LRMDA: variants seen among roughly 807,000 people sequenced by gnomAD.
LRMDA encodes leucine rich melanocyte differentiation associated, also known as leucine-rich melanocyte differentiation-associated protein.
A neutral mutation model predicts 29.8 loss-of-function variants in LRMDA; 18 were observed. The ratio of observed to expected loss-of-function variants is 0.60; its 90% CI spans 0.42 to 0.90. The LOEUF (loss-of-function observed/expected upper bound fraction) is 0.90, where lower values mean the gene tolerates loss of function less well. LRMDA is among the 40% of genes least tolerant of loss of function. The pLI, the probability that LRMDA is intolerant of heterozygous loss-of-function variation, is 0.00. For missense variants in LRMDA, 273 were observed against 273.9 expected (o/e 1.00, Z 0.02); for synonymous variants, 125 against 109.4 (o/e 1.14, Z -0.89).
chr10:75,998,883 T>C (rs984977543), intron 2 of LRMDA, among the ~76,000 whole-genome samples: 1 of 152,228 alleles, frequency 6.6e-6, no homozygotes, highest in Admixed American at 6.5e-5. Flanking sequence ...GGACCTTGGC[T>C]GTTCCCTCCC....
intron 2 of LRMDA, among the ~76,000 whole-genome samples, chr10:75,729,832 A>G (rs559056245): frequency 6.6e-6 from 1 of 152,186 alleles, no homozygotes; most frequent in Non-Finnish European, 1.5e-5. Flanking sequence ...AGTCTCACTT[A>G]GTCACTCAAG....
At chr10:76,174,487 A>T (rs1462137522) in intron 5 of LRMDA, among the ~76,000 whole-genome samples, 5 of 152,306 alleles carry the variant, frequency 3.3e-5, no homozygotes, top group African/African-American at 1.2e-4. Context: ...TAACATTCTA[A>T]ATGTAAATAG....
At chr10:75,496,234 T>C (rs536615143) in intron 2 of LRMDA, among the ~76,000 whole-genome samples, 1 of 152,316 alleles carries the variant, frequency 6.6e-6, no homozygotes, top group African/African-American at 2.4e-5. Flanking sequence ...GATTGGACTT[T>C]GGAGGTCTAG....
At chr10:75,973,945 G>T (rs186277473) in intron 2 of LRMDA, among the ~76,000 whole-genome samples, 1 of 152,224 alleles carries the variant, frequency 6.6e-6, no homozygotes, top group Non-Finnish European at 1.5e-5. Flanking sequence ...GCTTGATATA[G>T]GTCTTTTGTG....
At chr10:75,603,638 A>G (rs1840916671) in intron 2 of LRMDA, among the ~76,000 whole-genome samples, 1 of 152,138 alleles carries the variant, frequency 6.6e-6, no homozygotes, top group Non-Finnish European at 1.5e-5. Context: ...AAAAATACAC[A>G]TTAACATAAC....
At chr10:75,911,529 A>G (rs576439787) in intron 2 of LRMDA, among the ~76,000 whole-genome samples, 2 of 152,192 alleles carry the variant, frequency 1.3e-5, no homozygotes, top group African/African-American at 4.8e-5. Flanking sequence ...TTAACTCTTT[A>G]CATCTTTGTT....
intron 5 of LRMDA, among the ~76,000 whole-genome samples, chr10:76,150,931 T>A (rs1450693295): frequency 6.6e-6 from 1 of 151,900 alleles, no homozygotes; most frequent in African/African-American, 2.4e-5. Flanking sequence ...GCAACTGGGG[T>A]GGCTTTATTT....
chr10:75,910,187 A>C (rs533080541), intron 2 of LRMDA, among the ~76,000 whole-genome samples: 4 of 152,252 alleles, frequency 2.6e-5, no homozygotes, highest in Non-Finnish European at 5.9e-5. Context: ...TAATTTCGCC[A>C]CTTTATGTCT....
chr10:76,230,450 A>G lies in LRMDA; in HGVS notation c.517-93951A>G, dbSNP rs188368694. On this transcript the variant is annotated intron_variant, in intron 5 of 6. Transcript: ENST00000611255. ...AAAATGAGTAAACACTATTAATTAG[A>G]TGAGATATTTATCCTTGGCTTAAAT... Among the ~76,000 whole-genome samples the G allele has an allele frequency of 2.4e-4, 36 of 152,142 alleles. No homozygotes were observed. In the East Asian group the frequency reaches 6.4e-3, roughly 27 times the overall value.
At chr10:75,882,170 C>T (rs546343795) in intron 2 of LRMDA, among the ~76,000 whole-genome samples, 6 of 152,198 alleles carry the variant, frequency 3.9e-5, no homozygotes, top group Admixed American at 2.0e-4. Context: ...TGAAGGAAGA[C>T]GGGCAAAACT....
intron 2 of LRMDA, among the ~76,000 whole-genome samples, chr10:75,716,745 A>T (rs1316274373): frequency 6.6e-6 from 1 of 152,152 alleles, no homozygotes; most frequent in Non-Finnish European, 1.5e-5. Context: ...ATCTTCATAA[A>T]TGGTAATTTC....
At chr10:75,564,570 A>G (rs931199663) in intron 2 of LRMDA, among the ~76,000 whole-genome samples, 1 of 152,200 alleles carries the variant, frequency 6.6e-6, no homozygotes, top group Non-Finnish European at 1.5e-5. Flanking sequence ...GGCACTCCCT[A>G]GTGAGATGAA....
At chr10:75,705,801 C>G (rs929233607) in intron 2 of LRMDA, among the ~76,000 whole-genome samples, 1 of 152,200 alleles carries the variant, frequency 6.6e-6, no homozygotes, top group Non-Finnish European at 1.5e-5. Context: ...CAGTGGGAGC[C>G]TGGGAAACCC....
chr10:75,871,255 A>G (rs1358114969), intron 2 of LRMDA, among the ~76,000 whole-genome samples: 2 of 152,088 alleles, frequency 1.3e-5, no homozygotes, highest in Non-Finnish European at 2.9e-5. Context: ...GCATGGGCTT[A>G]GTTTCCTGCT....
At chr10:76,351,847 A>G (rs941075060) in intron 6 of LRMDA, among the ~76,000 whole-genome samples, 1 of 152,130 alleles carries the variant, frequency 6.6e-6, no homozygotes, top group Non-Finnish European at 1.5e-5. Flanking sequence ...CCTGTATAGG[A>G]GCAGGCGCTA....
chr10:76,341,258 A>G (rs1167594095), intron 6 of LRMDA, among the ~76,000 whole-genome samples: 1 of 152,228 alleles, frequency 6.6e-6, no homozygotes, highest in Non-Finnish European at 1.5e-5. Context: ...GAATAGCTAT[A>G]TAGCAAAATA....
At chr10:76,057,292 G>A (rs1564641284) in intron 4 of LRMDA, among the ~76,000 whole-genome samples, 1 of 152,166 alleles carries the variant, frequency 6.6e-6, no homozygotes, top group Non-Finnish European at 1.5e-5. Context: ...CTGTTACACT[G>A]AGAACACCTT....
At chr10:75,916,300 G>A (rs1363174811) in intron 2 of LRMDA, among the ~76,000 whole-genome samples, 2 of 152,102 alleles carry the variant, frequency 1.3e-5, no homozygotes, top group African/African-American at 4.8e-5. Context: ...AGCAGTGGGT[G>A]CAGGCAGGAC....
At chr10:76,088,697 T>C (rs1849180972) in intron 5 of LRMDA, among the ~76,000 whole-genome samples, 1 of 152,204 alleles carries the variant, frequency 6.6e-6, no homozygotes, top group African/African-American at 2.4e-5. Context: ...TGAAATATAT[T>C]GGTTATTTTA....
Sources: allele counts gnomAD v4.1 joint callset (sites outside exome capture counted in the v4.1 genomes callset), GRCh38; gene constraint gnomAD v4.1.1; transcripts MANE v1.5; gene names NCBI Gene and HGNC (gene_info 2026-07-23, HGNC 2026-07-21).